GLI2: variants seen among roughly 807,000 people sequenced by gnomAD.
GLI2 encodes GLI family zinc finger 2.
GLI2 carries 22 observed loss-of-function variants against 78.9 expected under a neutral mutation model. That is an observed-to-expected ratio of 0.28 (90% CI 0.20 to 0.40). The LOEUF (loss-of-function observed/expected upper bound fraction) is 0.40, where lower values mean the gene tolerates loss of function less well. Among genes scored for constraint, GLI2 ranks in the 10% least tolerant of loss-of-function variants. GLI2 has a pLI of 1.00. For synonymous variants in GLI2, 974 were observed against 963.7 expected (o/e 1.01, Z -0.20); for missense variants, 2,097 against 2,213.2 (o/e 0.95, Z 1.05).
chr2:120,974,837 C>A, intron 8 of GLI2, 138 bp from the exon 9 acceptor site: 3 of 1,150,176 alleles, frequency 2.6e-6, no homozygotes, highest in Non-Finnish European at 3.9e-6. Flanking sequence ...GCACACACAC[C>A]TGTAACACAC....
chr2:120,990,774 T>G lies in GLI2; in HGVS notation c.*99T>G. ...TGTCTTTTTCCAAAAAAGTGTTAAA[T>G]AGGCTTGAGGGGTTGTTGCGCAATG... On this transcript the variant is annotated 3_prime_UTR_variant, in exon 14 of 14. Transcript: ENST00000361492. 9.7e-7 allele frequency: 1 copy of G among 1,029,940 alleles called. No individual in the cohort carries two copies. The highest frequency in any genetic ancestry group is 1.4e-6 in the Non-Finnish European group (1 of 703,282). 63.8% of individuals were successfully genotyped at this position (1,029,940 alleles called of 1,614,324 possible). A position where few individuals can be genotyped will look rare whatever the true frequency, so the allele number is the denominator to read the frequency against.
In GLI2 at chr2:120,968,911, C is replaced by A. The variant is rs1558923649; in HGVS notation, c.841C>A (p.Leu281Ile). 1.2e-6 allele frequency: 2 copies of A among 1,610,010 alleles called. No individual in the cohort carries two copies. Among genetic ancestry groups the A allele is most frequent in the African/African-American group, 2.7e-5 (2 of 74,890 alleles). Residue 281 changes from leucine to isoleucine, a missense_variant, in exon 6 of 14, where the codon CTC becomes ATC. Physicochemically the swap from Leu to Ile is conservative, Grantham distance 5 (BLOSUM62 2). Coordinates refer to ENST00000361492, the MANE Select transcript of GLI2 (RefSeq NM_001374353.1). ...GSYGHLSAGA[L>I]SPAFTFPHPI... is the part of the protein sequence containing the mutation. ...CTACGGGCATCTGTCAGCGGGTGCC[C>A]TCAGGTGAGCCCCGCCTGCAAGCAG...
chr2:120,911,719 C>A (rs1448687733), intron 2 of GLI2, among the ~76,000 whole-genome samples: 1 of 151,768 alleles, frequency 6.6e-6, no homozygotes, highest in African/African-American at 2.4e-5. Flanking sequence ...CGTCTGCCTG[C>A]GGTGGAGGGG....
intron 3 of GLI2, among the ~76,000 whole-genome samples, chr2:120,931,251 T>C (rs188049122): frequency 6.6e-6 from 1 of 152,382 alleles, no homozygotes; most frequent in African/African-American, 2.4e-5. Flanking sequence ...TTCTGGAGGT[T>C]GCCTGCATTC....
chr2:120,925,563 A>G (rs570125884), intron 2 of GLI2, among the ~76,000 whole-genome samples: 94 of 152,372 alleles, frequency 6.2e-4, no homozygotes, highest in Admixed American at 1.1e-3. Context: ...GCCAGTCTCA[A>G]AAGGACAAAT....
At chr2:120,923,209 A>C (rs1353588939) in intron 2 of GLI2, among the ~76,000 whole-genome samples, 2 of 147,386 alleles carry the variant, frequency 1.4e-5, no homozygotes, top group Non-Finnish European at 3.0e-5. Flanking sequence ...ATACACATAC[A>C]GCACACACGT....
At chr2:120,974,687 G>C (rs909028835) in intron 8 of GLI2, among the ~76,000 whole-genome samples, 3 of 152,260 alleles carry the variant, frequency 2.0e-5, no homozygotes, top group African/African-American at 7.2e-5. Flanking sequence ...GTGTGCACTG[G>C]AGAGGAAGGA....
At position 120,806,202 on chromosome 2, in the gene GLI2, C is replaced by T. The variant is rs757151325; in HGVS notation, c.148+8734C>T. On this transcript the variant is annotated intron_variant, in intron 2 of 13. Transcript: ENST00000361492. ...TTTTATGTTTGTGGCCAGGTCTCAC[C>T]GCCTCTGATCTTGGGACCATTTTGA... Among the ~76,000 whole-genome samples the T allele has an allele frequency of 1.1e-4, 16 of 152,010 alleles. No individual in the cohort carries two copies. In the South Asian group the frequency reaches 1.7e-3, roughly 16 times the overall value.
At chr2:120,905,050 T>A (rs1678453238) in intron 2 of GLI2, among the ~76,000 whole-genome samples, 1 of 152,212 alleles carries the variant, frequency 6.6e-6, no homozygotes. Flanking sequence ...ACTTGCCAGT[T>A]GGTACCGACA....
chr2:120,953,916 C>T (rs1039895703), intron 4 of GLI2, among the ~76,000 whole-genome samples: 6 of 152,076 alleles, frequency 3.9e-5, no homozygotes, highest in Admixed American at 1.3e-4. Flanking sequence ...GAGAGGCCTT[C>T]GACGGATGGA....
At chr2:120,933,107 G>A (rs1680022963) in intron 3 of GLI2, among the ~76,000 whole-genome samples, 1 of 152,166 alleles carries the variant, frequency 6.6e-6, no homozygotes, top group African/African-American at 2.4e-5. Flanking sequence ...GAGGGGAGCA[G>A]GACCAGGGCT....
intron 1 of GLI2, among the ~76,000 whole-genome samples, chr2:120,766,585 G>GT (rs1683373781): frequency 6.6e-6 from 1 of 152,228 alleles, no homozygotes; most frequent in Non-Finnish European, 1.5e-5. Flanking sequence ...GAAGCAGGAG[G>GT]AAGCCAGGAG....
intron 2 of GLI2, among the ~76,000 whole-genome samples, chr2:120,889,573 T>G (rs187535826): frequency 6.6e-6 from 1 of 152,184 alleles, no homozygotes; most frequent in Non-Finnish European, 1.5e-5. Flanking sequence ...AGAAAATATT[T>G]GCAAACCTCA....
chr2:120,946,622 A>C (rs1405582549), intron 3 of GLI2, among the ~76,000 whole-genome samples: 3 of 152,152 alleles, frequency 2.0e-5, no homozygotes, highest in African/African-American at 7.2e-5. Flanking sequence ...GAAGAAAGGG[A>C]GGTTGCTGCT....
chr2:120,858,548 C>T (rs909840100), intron 2 of GLI2, among the ~76,000 whole-genome samples: 1 of 152,222 alleles, frequency 6.6e-6, no homozygotes, highest in Non-Finnish European at 1.5e-5. Context: ...GCCTGCTAGT[C>T]CCCTGGGCAG....
intron 1 of GLI2, among the ~76,000 whole-genome samples, chr2:120,761,975 ACAGAGTGAGTTCC>A (rs545905769): frequency 6.6e-6 from 1 of 152,352 alleles, no homozygotes; most frequent in South Asian, 2.1e-4. Flanking sequence ...AGGCAAAAGT[ACAGAGTGAGTTCC>A]CAGTGCCGCT....
intron 2 of GLI2, among the ~76,000 whole-genome samples, chr2:120,884,440 C>T (rs1341159241): frequency 3.3e-5 from 5 of 152,212 alleles, no homozygotes; most frequent in Admixed American, 1.3e-4. Flanking sequence ...CCTCACCTCC[C>T]TGGCCCCATT....
chr2:120,797,213 G>C (rs1026983823), intron 1 of GLI2, 78 bp from the exon 2 acceptor site: 1 of 1,039,784 alleles, frequency 9.6e-7, no homozygotes, highest in Non-Finnish European at 1.5e-6. Flanking sequence ...AGGAGCGAGC[G>C]GCGGTGTGAA....
chr2:120,871,108 T>TG (rs2104675415), intron 2 of GLI2, among the ~76,000 whole-genome samples: 1 of 152,388 alleles, frequency 6.6e-6, no homozygotes, highest in East Asian at 1.9e-4. Context: ...AAGGCAGTCC[T>TG]TTTCTTAGCC....
Sources: allele counts gnomAD v4.1 joint callset (sites outside exome capture counted in the v4.1 genomes callset), GRCh38; gene constraint gnomAD v4.1.1; transcripts MANE v1.5; gene names NCBI Gene and HGNC (gene_info 2026-07-23, HGNC 2026-07-21).